The following ABCA1 variants were observed in gnomAD, a reference collection of about 807,000 sequenced individuals.
The protein encoded by ABCA1 is phospholipid-transporting ATPase ABCA1.
A neutral mutation model predicts 262.5 loss-of-function variants in ABCA1; 133 were observed. The ratio of observed to expected loss-of-function variants is 0.51; its 90% CI spans 0.44 to 0.59. ABCA1 has a LOEUF of 0.59. Ranked by LOEUF, ABCA1 falls within the 20% of genes least tolerant of loss-of-function variation. The probability of loss-of-function intolerance (pLI) is 0.00; values close to 1 mark genes in which losing one functional copy is unlikely to be tolerated. For synonymous variants in ABCA1, 1,022 were observed against 1,043.5 expected (o/e 0.98, Z 0.40); for missense variants, 2,452 against 2,777.5 (o/e 0.88, Z 2.63).
At position 104,837,555 on chromosome 9, in the gene ABCA1, T is replaced by C. The variant is rs537383221; in HGVS notation, c.1067A>G (p.Asn356Ser). 12 of 1,614,106 alleles carry C rather than the reference T, an allele frequency of 7.4e-6. No individual in the cohort carries two copies. In the African/African-American group the frequency reaches 1.2e-4, roughly 16 times the overall value. Residue 356 changes from asparagine (N) to serine (S), a missense_variant, in exon 10 of 50, where the codon AAT becomes AGT. This residue lies in a region of ABCA1 where 1,032 missense variants were observed against 1,089.7 expected (regional missense o/e 0.95). Transcript: ENST00000374736. ...FYDNSTTPYC[N>S]DLMKNLESSP... ...AGACTCCAAATTCTTCATCAAATCA[T>C]TGCAGTAAGGAGCTATGAAGAAGAG...
chr9:104,835,292 G>A (rs976200873), intron 11 of ABCA1, among the ~76,000 whole-genome samples: 1 of 150,880 alleles, frequency 6.6e-6, no homozygotes, highest in African/African-American at 2.4e-5. Flanking sequence ...AAAGAAAACA[G>A]TTGGAAGAGG....
At chr9:104,839,192 T>C (rs866489191) in intron 9 of ABCA1, among the ~76,000 whole-genome samples, 3 of 152,098 alleles carry the variant, frequency 2.0e-5, no homozygotes, top group Non-Finnish European at 4.4e-5. Context: ...AGTGCTTAAG[T>C]GTGGGGAGTG....
intron 31 of ABCA1, 107 bp downstream of exon 31, chr9:104,806,124 AAAAAAGACTG>A: frequency 8.5e-7 from 1 of 1,178,490 alleles, no homozygotes; most frequent in South Asian, 1.5e-5. Context: ...AACAAAAAAC[AAAAAAGACTG>A]AAACAGACCC....
At chr9:104,829,734 A>C (rs1358941848) in intron 14 of ABCA1, among the ~76,000 whole-genome samples, 1 of 152,230 alleles carries the variant, frequency 6.6e-6, no homozygotes, top group East Asian at 1.9e-4. Context: ...CCCTGTCTTA[A>C]GACATCCTTT....
At position 104,786,404 on chromosome 9, in the gene ABCA1, G is replaced by C; in HGVS notation, c.6309-14C>G. On this transcript the variant is annotated splice_polypyrimidine_tract_variant and intron_variant, in intron 47 of 49. Transcript: ENST00000374736. ...CATTCTTCCATACTGCGGTAAAACA[G>C]AAAGAGGTTTTAGTTTTAGAGAGAT... 6.2e-7 allele frequency: 1 copy of C among 1,610,568 alleles called. No homozygotes were observed. The highest frequency in any genetic ancestry group is 1.6e-4 in the Middle Eastern group (1 of 6,062).
intron 5 of ABCA1, among the ~76,000 whole-genome samples, chr9:104,876,255 G>A: frequency 6.6e-6 from 1 of 152,212 alleles, no homozygotes; most frequent in Admixed American, 6.5e-5. Context: ...GGCTATGGGG[G>A]ATGTAGCAGT....
rs373400483 is a variant in ABCA1 at position 104,832,757 on chromosome 9, G to C, written c.1326C>G (p.Ser442Arg). Residue 442 changes from serine (S) to arginine (R), a missense_variant, in exon 12 of 50, where the codon AGC (serine) becomes AGG (arginine). Physicochemically the swap from Ser to Arg is moderately radical, Grantham distance 110 (BLOSUM62 -1). This residue lies in a region of ABCA1 where 1,032 missense variants were observed against 1,089.7 expected (regional missense o/e 0.95). Transcript: ENST00000374736. ...EMDLVRMLLDSRDNDHFWEQQ... is the reference protein window; with the variant it reads ...EMDLVRMLLDRRDNDHFWEQQ... ...GTTCCCAAAAGTGGTCATTGTCCCT[G>C]CTGTCCAACAGCATCTGCCATTCCA... 3.2e-5 allele frequency: 51 copies of C among 1,614,078 alleles called. No individual in the cohort carries two copies. The highest frequency in any genetic ancestry group is 4.2e-5 in the Non-Finnish European group (50 of 1,180,048).
intron 1 of ABCA1, among the ~76,000 whole-genome samples, chr9:104,904,665 C>T (rs532503095): frequency 2.0e-5 from 3 of 152,098 alleles, no homozygotes; most frequent in East Asian, 1.9e-4. Flanking sequence ...AAAATGCTAC[C>T]GACACCTGGC....
At chr9:104,885,491 T>G (rs147012455) in intron 3 of ABCA1, among the ~76,000 whole-genome samples, 1,775 of 152,242 alleles carry the variant, frequency 0.012, 14 homozygotes, top group South Asian at 0.024. Flanking sequence ...CACACAGGCT[T>G]GGGGTCTGAT....
At chr9:104,882,996 C>A in intron 5 of ABCA1, 43 bp downstream of exon 5, 1 of 1,513,976 alleles carries the variant, frequency 6.6e-7, no homozygotes, top group South Asian at 1.1e-5. Context: ...TGGTGCAGGT[C>A]AATTTCCAAT....
At chr9:104,830,849 A>C (rs1833233774) in intron 14 of ABCA1, 76 bp downstream of exon 14, 6 of 1,502,708 alleles carry the variant, frequency 4.0e-6, no homozygotes, top group Non-Finnish European at 5.5e-6. Flanking sequence ...ACATGCATGC[A>C]CATGCACACA....
At chr9:104,877,896 T>C (rs1838289629) in intron 5 of ABCA1, among the ~76,000 whole-genome samples, 1 of 152,258 alleles carries the variant, frequency 6.6e-6, no homozygotes, top group African/African-American at 2.4e-5. Flanking sequence ...TCACAAGTTT[T>C]ACCATATTCA....
rs1169263082 is a variant in ABCA1 at position 104,783,355 on chromosome 9, C to T, written c.*960G>A. 1 of 152,218 alleles carries T rather than the reference C, an allele frequency of 6.6e-6. No homozygotes were observed. The highest frequency in any genetic ancestry group is 2.4e-5 in the African/African-American group (1 of 41,458). 9.4% of individuals were successfully genotyped at this position (152,218 alleles called of 1,614,324 possible). A position where few individuals can be genotyped will look rare whatever the true frequency, so the allele number is the denominator to read the frequency against. ...AATTCAAAAAGCCAGAAATAATACA[C>T]TTGTGTCAGATAAACATCTTGAGAT... On this transcript the variant is annotated 3_prime_UTR_variant, in exon 50 of 50. Transcript: ENST00000374736.
At chr9:104,913,845 G>T (rs1461942945) in intron 1 of ABCA1, among the ~76,000 whole-genome samples, 1 of 152,122 alleles carries the variant, frequency 6.6e-6, no homozygotes, top group African/African-American at 2.4e-5. Flanking sequence ...GCCCAGGCTG[G>T]AGTGCAGTGG....
Position 104,786,018 on chromosome 9 carries a change from A to AT in ABCA1, c.6401+279dup, listed in dbSNP as rs201153783. ...CTCTCACCAGTACTGGCACATGTAA[A>AT]TTTTTTTCATTTCATCTATAGCACA... On this transcript the variant is annotated intron_variant, in intron 48 of 49. Transcript: ENST00000374736. Among the ~76,000 whole-genome samples the AT allele has an allele frequency of 8.4e-3, 1,279 of 152,214 alleles. 23 individuals carry two copies. Among genetic ancestry groups the AT allele is most frequent in the African/African-American group, 0.028 (1,151 of 41,532 alleles).
chr9:104,889,068 T>C, intron 3 of ABCA1, 34 bp downstream of exon 3: 1 of 1,580,226 alleles, frequency 6.3e-7, no homozygotes, highest in Non-Finnish European at 8.7e-7. Context: ...TCCCTGCCAT[T>C]GGTGAGTCTC....
In ABCA1 at chr9:104,814,132, G is replaced by A; in HGVS notation, c.3887C>T (p.Ser1296Phe). 2 of 1,614,188 alleles carry A rather than the reference G, an allele frequency of 1.2e-6. No homozygotes were observed. The highest frequency in any genetic ancestry group is 1.7e-6 in the Non-Finnish European group (2 of 1,180,040). Residue 1296 changes from serine (S) to phenylalanine (F), a missense_variant, in exon 27 of 50, where the codon TCT (serine) becomes TTT (phenylalanine). Physicochemically the swap from Ser to Phe is radical, Grantham distance 155. This residue lies in a region of ABCA1 where 665 missense variants were observed against 727.3 expected (regional missense o/e 0.91). Transcript: ENST00000374736. ...TEDDAADPNDSDIDPESRETD... is the reference protein window; with the variant it reads ...TEDDAADPNDFDIDPESRETD... The stretch of plus-strand genomic sequence containing the variant: ...CCCTAACAGACCTGGGTCTATGTCA[G>A]AATCATTTGGATCAGCAGCATCATC...
intron 27 of ABCA1, among the ~76,000 whole-genome samples, chr9:104,813,675 A>G (rs1261897643): frequency 6.6e-6 from 1 of 152,230 alleles, no homozygotes; most frequent in Non-Finnish European, 1.5e-5. Context: ...AGCCTCTCAA[A>G]GCGCTGGGAT....
chr9:104,919,150 C>A (rs1422283921), intron 1 of ABCA1, among the ~76,000 whole-genome samples: 1 of 152,150 alleles, frequency 6.6e-6, no homozygotes. Flanking sequence ...TACCGACCTA[C>A]CCCCAGTGAG....
Sources: allele counts gnomAD v4.1 joint callset (sites outside exome capture counted in the v4.1 genomes callset), GRCh38; gene constraint gnomAD v4.1.1; regional missense constraint gnomAD v4.1.1; transcripts MANE v1.5; gene names NCBI Gene and HGNC (gene_info 2026-07-23, HGNC 2026-07-21).